Variants in RIC1 observed in about 807,000 individuals in gnomAD.
The protein encoded by RIC1 is guanine nucleotide exchange factor subunit RIC1.
In RIC1, 88 loss-of-function variants were observed where a neutral mutation model predicts 169.0. The ratio of observed to expected loss-of-function variants is 0.52; its 90% CI spans 0.44 to 0.62. RIC1 has a LOEUF of 0.62. Among genes scored for constraint, RIC1 ranks in the 20% least tolerant of loss-of-function variants. The pLI is 0.00. For missense variants in RIC1, 1,877 were observed against 1,725.5 expected (o/e 1.09, Z -1.56); for synonymous variants, 790 against 601.5 (o/e 1.31, Z -4.59).
intron 1 of RIC1, among the ~76,000 whole-genome samples, chr9:5,631,078 G>C (rs1169962513): frequency 1.3e-5 from 2 of 152,168 alleles, no homozygotes; most frequent in Non-Finnish European, 2.9e-5. Context: ...CCAGAAGCCT[G>C]TAAACCACTT....
At chr9:5,635,741 T>C (rs1021731831) in intron 1 of RIC1, among the ~76,000 whole-genome samples, 1 of 152,174 alleles carries the variant, frequency 6.6e-6, no homozygotes, top group African/African-American at 2.4e-5. Context: ...ATGCTGTTCT[T>C]GTGATAGTAA....
chr9:5,773,017 G>C lies in RIC1; in HGVS notation c.3920G>C (p.Gly1307Ala). 6.2e-7 allele frequency: 1 copy of C among 1,613,704 alleles called. No homozygotes were observed. Among genetic ancestry groups the C allele is most frequent in the Non-Finnish European group, 8.5e-7 (1 of 1,179,758 alleles). The change falls in exon 25 of 26, where the codon GGA (glycine) becomes GCA (alanine). Residue 1307 changes from glycine (G) to alanine (A), a missense_variant. By Grantham distance (60) the Gly-to-Ala change is moderately conservative. Coordinates refer to ENST00000414202, the MANE Select transcript of RIC1 (RefSeq NM_020829.4). ...ATTACACAGTCTTCAGAGGTAGATG[G>C]AGAGATGTTACAGAACATAAAGACA... ...LVITQSSEVDGEMLQNIKTGL... is the reference protein window; with the variant it reads ...LVITQSSEVDAEMLQNIKTGL...
At chr9:5,655,529 G>T (rs893447783) in intron 1 of RIC1, among the ~76,000 whole-genome samples, 1 of 152,130 alleles carries the variant, frequency 6.6e-6, no homozygotes, top group Non-Finnish European at 1.5e-5. Flanking sequence ...GCAAACTCCT[G>T]ACCTCAGGTG....
At chr9:5,655,245 G>GT (rs1819023370) in intron 1 of RIC1, among the ~76,000 whole-genome samples, 1 of 151,988 alleles carries the variant, frequency 6.6e-6, no homozygotes, top group African/African-American at 2.4e-5. Flanking sequence ...TTCCCGAGAG[G>GT]TTTTTTTAAA....
chr9:5,741,129 ATTTTC>A (rs897307391), intron 8 of RIC1, among the ~76,000 whole-genome samples: 8 of 151,982 alleles, frequency 5.3e-5, no homozygotes, highest in African/African-American at 1.7e-4. Flanking sequence ...ATTGGCAGTT[ATTTTC>A]TTTTTATACA....
chr9:5,638,971 A>G (rs1201815373), intron 1 of RIC1, among the ~76,000 whole-genome samples: 2 of 152,130 alleles, frequency 1.3e-5, no homozygotes, highest in Non-Finnish European at 2.9e-5. Context: ...GCTAGAGTGC[A>G]GTGGTGCAAT....
Position 5,770,254 on chromosome 9 carries a change from T to C in RIC1, c.3592T>C (p.Phe1198Leu), listed in dbSNP as rs143568220. 9.9e-6 allele frequency: 16 copies of C among 1,613,248 alleles called. No homozygotes were observed. Among genetic ancestry groups the C allele is most frequent in the African/African-American group, 9.3e-5 (7 of 74,876 alleles). ...CCATGGACCACAAATGCAAGATGCC[T>C]TCTTGTCACCTTTATCTAATAAAGG... Reference protein sequence around the residue: ...SSHGPQMQDAFLSPLSNKGDE... With the variant: ...SSHGPQMQDALLSPLSNKGDE... The change falls in exon 23 of 26, where the codon TTC becomes CTC. Residue 1198 changes from phenylalanine (F) to leucine (L), a missense_variant. Phe to Leu is a conservative substitution (Grantham distance 22, BLOSUM62 0). Coordinates refer to ENST00000414202, the MANE Select transcript of RIC1 (RefSeq NM_020829.4).
At position 5,693,215 on chromosome 9, in the gene RIC1, T is replaced by C. The variant is rs146109582; in HGVS notation, c.332+3177T>C. ...TCTCACTTAGTTATAGAAATACTAT[T>C]GTCTCTCGTTTCTCTTCTGTAAATC... On this transcript the variant is annotated intron_variant, in intron 3 of 25. Transcript: ENST00000414202. Among the ~76,000 whole-genome samples the C allele has an allele frequency of 2.6e-5, 4 of 152,266 alleles. No homozygotes were observed. The East Asian group carries it at 5.8e-4, about 22-fold the overall frequency.
intron 3 of RIC1, among the ~76,000 whole-genome samples, chr9:5,704,215 CT>C (rs200354725): frequency 8.3e-4 from 121 of 145,190 alleles, no homozygotes; most frequent in Middle Eastern, 3.6e-3. Flanking sequence ...TTCCCACTGT[CT>C]TTTTTTTTTT....
At chr9:5,758,956 G>C (rs1196523806) in intron 17 of RIC1, among the ~76,000 whole-genome samples, 1 of 151,844 alleles carries the variant, frequency 6.6e-6, no homozygotes, top group Non-Finnish European at 1.5e-5. Flanking sequence ...TGTTGGCCAG[G>C]ATGGTCTCAA....
At chr9:5,676,186 G>C (rs1423976124) in intron 2 of RIC1, among the ~76,000 whole-genome samples, 1 of 152,036 alleles carries the variant, frequency 6.6e-6, no homozygotes, top group Non-Finnish European at 1.5e-5. Context: ...CAAAGTGCTG[G>C]GATTACAGAT....
intron 2 of RIC1, among the ~76,000 whole-genome samples, chr9:5,665,283 C>G (rs1169236487): frequency 1.3e-5 from 2 of 152,150 alleles, no homozygotes; most frequent in Admixed American, 6.5e-5. Flanking sequence ...AAGTCTCCCA[C>G]TATTATTGTG....
At chr9:5,674,271 T>A (rs1166123550) in intron 2 of RIC1, among the ~76,000 whole-genome samples, 2 of 151,994 alleles carry the variant, frequency 1.3e-5, no homozygotes, top group Non-Finnish European at 2.9e-5. Context: ...AAAAAAAAAA[T>A]TTAACAAAAA....
At chr9:5,731,093 A>AT (rs1238445453) in intron 6 of RIC1, among the ~76,000 whole-genome samples, 3 of 151,932 alleles carry the variant, frequency 2.0e-5, no homozygotes, top group Non-Finnish European at 4.4e-5. Flanking sequence ...GCATTGCTTA[A>AT]TTTTTTTTGT....
intron 3 of RIC1, among the ~76,000 whole-genome samples, chr9:5,695,925 GC>G (rs1479494318): frequency 6.6e-6 from 1 of 150,978 alleles, no homozygotes; most frequent in Non-Finnish European, 1.5e-5. Context: ...CTTACCCCCT[GC>G]CAAGCCAAAC....
Position 5,717,759 on chromosome 9 carries a change from C to CACTTGAA in RIC1, c.441-2423_441-2422insACTTGAA, listed in dbSNP as rs1310721356. Among the ~76,000 whole-genome samples the CACTTGAA allele has an allele frequency of 5.1e-3, 768 of 151,354 alleles. 7 individuals carry two copies. The highest frequency in any genetic ancestry group is 0.018 in the African/African-American group (730 of 41,218). ...ACTCAGGAGGCTGAGGCAGGAGAAT[C>CACTTGAA]CCGGGAGGCGGAGGTTTCAGTGAGC... On this transcript the variant is annotated intron_variant, in intron 4 of 25. Coordinates refer to ENST00000414202, the MANE Select transcript of RIC1 (RefSeq NM_020829.4).
At chr9:5,680,722 G>C (rs200094036) in intron 2 of RIC1, among the ~76,000 whole-genome samples, 1 of 147,188 alleles carries the variant, frequency 6.8e-6, no homozygotes. Flanking sequence ...TATTGCGTCT[G>C]TTTGATTCTT....
chr9:5,649,739 G>A (rs1432006111), intron 1 of RIC1, among the ~76,000 whole-genome samples: 1 of 144,194 alleles, frequency 6.9e-6, no homozygotes, highest in Non-Finnish European at 1.5e-5. Flanking sequence ...ATAATTTCTT[G>A]TTTTTTTTTT....
chr9:5,631,178 T>G lies in RIC1; in HGVS notation c.144+1725T>G, dbSNP rs376624469. ...CATGTCTATTGTTTGGTTTTGGAGT[T>G]ACATACGACATCTAGAAATCCAAGG... On this transcript the variant is annotated intron_variant, in intron 1 of 25. Transcript: ENST00000414202. Among the ~76,000 whole-genome samples the G allele has an allele frequency of 2.0e-5, 3 of 152,348 alleles. No individual in the cohort carries two copies. In the South Asian group the frequency reaches 6.2e-4, roughly 32 times the overall value.
Sources: allele counts gnomAD v4.1 joint callset (sites outside exome capture counted in the v4.1 genomes callset), GRCh38; gene constraint gnomAD v4.1.1; transcripts MANE v1.5; gene names NCBI Gene and HGNC (gene_info 2026-07-23, HGNC 2026-07-21).